ATP8A1: variants seen among roughly 807,000 people sequenced by gnomAD.
ATP8A1 encodes the protein phospholipid-transporting ATPase IA.
A neutral mutation model predicts 177.7 loss-of-function variants in ATP8A1; 90 were observed. The observed-to-expected ratio is 0.51, with a 90% CI of 0.43 to 0.60. The LOEUF is 0.60. ATP8A1 is among the 20% of genes least tolerant of loss of function. The probability of loss-of-function intolerance (pLI) is 0.00; values close to 1 mark genes in which losing one functional copy is unlikely to be tolerated. For synonymous variants in ATP8A1, 493 were observed against 485.9 expected, an observed-to-expected ratio of 1.01 and a Z score of -0.19; for missense variants, 1,072 against 1,392.8, an observed-to-expected ratio of 0.77 and a Z score of 3.67.
At position 42,600,421 on chromosome 4, in the gene ATP8A1, C is replaced by T. The variant is rs752283037; in HGVS notation, c.450+57G>A. The stretch of plus-strand genomic sequence containing the variant: ...CATATTATACAAAAAATTATATATA[C>T]TAGAGTACACCGCTATGTATTTCTT... On this transcript the variant is annotated intron_variant, in intron 6 of 36. Transcript: ENST00000381668. The T allele has an allele frequency of 1.3e-5, 19 of 1,442,130 alleles. No individual in the cohort carries two copies. The East Asian group carries it at 4.3e-4, about 33-fold the overall frequency. 89.3% of individuals were successfully genotyped at this position (1,442,130 alleles called of 1,614,324 possible).
chr4:42,611,741 C>T (rs188909376), intron 5 of ATP8A1, among the ~76,000 whole-genome samples: 1 of 152,308 alleles, frequency 6.6e-6, no homozygotes, highest in Admixed American at 6.5e-5. Context: ...TAAAAACTAG[C>T]TCAATCACCA....
At chr4:42,511,763 A>G (rs1016880938) in intron 22 of ATP8A1, among the ~76,000 whole-genome samples, 1 of 152,158 alleles carries the variant, frequency 6.6e-6, no homozygotes, top group Non-Finnish European at 1.5e-5. Flanking sequence ...AAATAATGGA[A>G]CCTCAAAGTG....
chr4:42,582,757 A>C (rs1334740205), intron 9 of ATP8A1, among the ~76,000 whole-genome samples: 1 of 152,126 alleles, frequency 6.6e-6, no homozygotes, highest in Non-Finnish European at 1.5e-5. Context: ...CTTATCATTT[A>C]AGACACATTT....
intron 6 of ATP8A1, among the ~76,000 whole-genome samples, chr4:42,598,243 T>C (rs553970331): frequency 1.1e-4 from 17 of 152,260 alleles, no homozygotes; most frequent in Admixed American, 3.9e-4. Context: ...GATATAAATA[T>C]TCAAATGCTA....
At chr4:42,616,118 A>C (rs1483315596) in intron 4 of ATP8A1, 40 bp from the exon 5 acceptor site, 1 of 1,568,118 alleles carries the variant, frequency 6.4e-7, no homozygotes, top group South Asian at 1.1e-5. Flanking sequence ...TGAAAATGTG[A>C]ATAAGATTAC....
chr4:42,491,864 C>A lies in ATP8A1; in HGVS notation c.2152-6196G>T, dbSNP rs535060306. 2.0e-5 allele frequency among the ~76,000 whole-genome samples: 3 copies of A among 152,244 alleles called. No individual in the cohort carries two copies. In the South Asian group the frequency reaches 6.2e-4, roughly 32 times the overall value. On this transcript the variant is annotated intron_variant, in intron 24 of 36. Transcript: ENST00000381668. Reference sequence around the variant, plus strand: ...TACTCAGGAACAAATCCAAGCAACACCCTAGTAGAGAATGTGGAAACATCC... The same window carrying A: ...TACTCAGGAACAAATCCAAGCAACAACCTAGTAGAGAATGTGGAAACATCC...
At chr4:42,599,336 C>T (rs141676316) in intron 6 of ATP8A1, among the ~76,000 whole-genome samples, 256 of 152,080 alleles carry the variant, frequency 1.7e-3, no homozygotes, top group South Asian at 0.011. Flanking sequence ...TCCATAGGTG[C>T]CAGAAAAGAG....
rs183076167 is a variant in ATP8A1, at chr4:42,525,309, C to T, written c.1723-462G>A. ...AAATGCCAGTGTGCACAGTGGATCT[C>T]GAAGGGGCTACATGCTATGTGCCCC... is the stretch of plus-strand genomic sequence containing the variant. On this transcript the variant is annotated intron_variant, in intron 20 of 36. Coordinates refer to ENST00000381668, the MANE Select transcript of ATP8A1 (RefSeq NM_006095.2). Among the ~76,000 whole-genome samples, 40 of 152,230 alleles carry T rather than the reference C, an allele frequency of 2.6e-4. No homozygotes were observed. The East Asian group carries it at 2.7e-3, about 10-fold the overall frequency.
intron 15 of ATP8A1, 116 bp downstream of exon 15, chr4:42,569,045 A>C (rs565086285): frequency 4.8e-6 from 2 of 414,720 alleles, no homozygotes; most frequent in East Asian, 1.1e-4. Flanking sequence ...ACTGCTCAGC[A>C]ATATTTTATT....
At chr4:42,413,621 T>C (rs531300749) in intron 36 of ATP8A1, among the ~76,000 whole-genome samples, 2 of 152,358 alleles carry the variant, frequency 1.3e-5, no homozygotes, top group South Asian at 4.1e-4. Context: ...TAATACTTAA[T>C]ACAATGCCCT....
intron 22 of ATP8A1, among the ~76,000 whole-genome samples, chr4:42,511,558 T>A (rs1404022237): frequency 6.6e-6 from 1 of 152,198 alleles, no homozygotes; most frequent in Non-Finnish European, 1.5e-5. Context: ...CATAAAATAA[T>A]GTTTATTCAC....
chr4:42,556,022 T>G lies in ATP8A1; in HGVS notation c.1359A>C (p.Gly453=), dbSNP rs1403194419. ...SPDEWQNSQF[G]DEKTFSDSSL... ...ATGAATCACTAAATGTTTTTTCATC[T>G]CCAAACTGTGAGTTCTGCCTGAAGG... Residue 453 remains glycine, a synonymous_variant, in exon 16 of 37, where the codon GGA becomes GGC. Coordinates refer to ENST00000381668, the MANE Select transcript of ATP8A1 (RefSeq NM_006095.2). 1 of 1,612,008 alleles carries G rather than the reference T, an allele frequency of 6.2e-7. No homozygotes were observed. The highest frequency in any genetic ancestry group is 8.5e-7 in the Non-Finnish European group (1 of 1,178,842).
intron 6 of ATP8A1, chr4:42,594,451 T>TA: frequency 3.1e-6 from 2 of 653,820 alleles, no homozygotes; most frequent in South Asian, 2.2e-5. Context: ...GAATACACAG[T>TA]AAAAATGGTT....
At chr4:42,632,992 A>C (rs976513956) in intron 1 of ATP8A1, among the ~76,000 whole-genome samples, 8 of 152,226 alleles carry the variant, frequency 5.3e-5, no homozygotes, top group Non-Finnish European at 8.8e-5. Context: ...AAGAGCAGGA[A>C]AATTCTGAAA....
chr4:42,419,100 T>C lies in ATP8A1; in HGVS notation c.3305+3707A>G, dbSNP rs142594257. On this transcript the variant is annotated intron_variant, in intron 35 of 36. Coordinates refer to ENST00000381668, the MANE Select transcript of ATP8A1 (RefSeq NM_006095.2). Reference sequence around the variant, plus strand: ...TACCTAGTTTGGGAAGTACAAATTATACAATTCTATGTTTTTATGAATCAG... The same window carrying C: ...TACCTAGTTTGGGAAGTACAAATTACACAATTCTATGTTTTTATGAATCAG... 6.6e-5 allele frequency among the ~76,000 whole-genome samples: 10 copies of C among 152,366 alleles called. No individual in the cohort carries two copies. The East Asian group carries it at 9.6e-4, about 15-fold the overall frequency.
intron 12 of ATP8A1, among the ~76,000 whole-genome samples, chr4:42,577,642 A>G (rs1430836726): frequency 6.6e-6 from 1 of 152,182 alleles, no homozygotes; most frequent in East Asian, 1.9e-4. Flanking sequence ...TAAGACATTT[A>G]AAAACATTTA....
chr4:42,471,606 G>T (rs905192707), intron 25 of ATP8A1, among the ~76,000 whole-genome samples: 4 of 152,152 alleles, frequency 2.6e-5, no homozygotes, highest in Non-Finnish European at 5.9e-5. Context: ...CCTATGAAAG[G>T]CACTAAAAAG....
At chr4:42,576,215 T>C (rs62302291) in intron 12 of ATP8A1, among the ~76,000 whole-genome samples, 27,890 of 151,938 alleles carry the variant, frequency 0.18, 2,825 homozygotes, top group East Asian at 0.36. Context: ...GTCACGCCTA[T>C]AATCCCAGCA....
At chr4:42,487,282 T>C (rs1722289117) in intron 24 of ATP8A1, among the ~76,000 whole-genome samples, 1 of 152,158 alleles carries the variant, frequency 6.6e-6, no homozygotes, top group Non-Finnish European at 1.5e-5. Flanking sequence ...TTGTCTCCCT[T>C]TGTCAAGAAC....
Sources: gnomAD v4.1 joint callset for allele counts (sites outside exome capture counted in the v4.1 genomes callset) on GRCh38, gnomAD v4.1.1 for gene constraint, MANE v1.5 for transcripts, NCBI Gene and HGNC (gene_info 2026-07-23, HGNC 2026-07-21) for gene names.